Variants in PDE4B observed in about 807,000 individuals in gnomAD.
The protein encoded by PDE4B is 3',5'-cyclic-AMP phosphodiesterase 4B.
Under a neutral mutation model 82.2 loss-of-function variants are expected in PDE4B, and 20 were observed. That is an observed-to-expected ratio of 0.24 (90% CI 0.17 to 0.35). The LOEUF (loss-of-function observed/expected upper bound fraction) is 0.35, where lower values mean the gene tolerates loss of function less well. Among genes scored for constraint, PDE4B ranks in the 10% least tolerant of loss-of-function variants. PDE4B has a pLI of 1.00. For synonymous variants in PDE4B, 320 were observed against 318.9 expected (o/e 1.00, Z -0.04); for missense variants, 655 against 907.2 (o/e 0.72, Z 3.57).
chr1:65,973,959 C>T (rs1650277758), intron 3 of PDE4B, among the ~76,000 whole-genome samples: 1 of 151,984 alleles, frequency 6.6e-6, no homozygotes, highest in South Asian at 2.1e-4. Context: ...ACTGCAGGTG[C>T]ATGCCACCAT....
chr1:66,317,472 C>T (rs1659104404), intron 7 of PDE4B, among the ~76,000 whole-genome samples: 1 of 152,176 alleles, frequency 6.6e-6, no homozygotes, highest in African/African-American at 2.4e-5. Flanking sequence ...AACTGTCAGG[C>T]CCCACATTTT....
intron 3 of PDE4B, among the ~76,000 whole-genome samples, chr1:65,974,206 G>T (rs1286793510): frequency 6.6e-6 from 1 of 152,040 alleles, no homozygotes; most frequent in African/African-American, 2.4e-5. Flanking sequence ...TACATGTGGC[G>T]ATAATAAAGT....
chr1:66,080,912 A>T (rs1303355082), intron 3 of PDE4B, among the ~76,000 whole-genome samples: 1 of 152,006 alleles, frequency 6.6e-6, no homozygotes, highest in African/African-American at 2.4e-5. Flanking sequence ...CCCTCTCTCC[A>T]CAACTAGTAG....
intron 3 of PDE4B, among the ~76,000 whole-genome samples, chr1:66,033,714 G>GAA (rs5774787): frequency 1.2e-3 from 170 of 137,438 alleles, no homozygotes; most frequent in Middle Eastern, 0.011. Flanking sequence ...GCACCAAATT[G>GAA]AAAAAAAAAA....
intron 3 of PDE4B, among the ~76,000 whole-genome samples, chr1:66,092,159 TAGAAAA>T (rs913538982): frequency 1.3e-5 from 2 of 152,008 alleles, no homozygotes; most frequent in Non-Finnish European, 2.9e-5. Context: ...AATGCACACT[TAGAAAA>T]GGAGAAAAAT....
intron 7 of PDE4B, among the ~76,000 whole-genome samples, chr1:66,283,847 G>T (rs1456819744): frequency 6.6e-6 from 1 of 152,190 alleles, no homozygotes; most frequent in South Asian, 2.1e-4. Flanking sequence ...TACTTTTAAT[G>T]GGTTTTCTGT....
At chr1:65,889,538 T>A (rs1411973836) in intron 1 of PDE4B, among the ~76,000 whole-genome samples, 2 of 152,146 alleles carry the variant, frequency 1.3e-5, no homozygotes, top group Non-Finnish European at 2.9e-5. Flanking sequence ...GAAGTTGTAA[T>A]TTTTTGAAAC....
intron 3 of PDE4B, among the ~76,000 whole-genome samples, chr1:66,228,299 C>A (rs1239833718): frequency 6.6e-6 from 1 of 152,154 alleles, no homozygotes; most frequent in Non-Finnish European, 1.5e-5. Flanking sequence ...CAGTAAAGAT[C>A]CATTGGTCCT....
At chr1:66,090,089 G>A (rs1304964292) in intron 3 of PDE4B, among the ~76,000 whole-genome samples, 2 of 151,990 alleles carry the variant, frequency 1.3e-5, no homozygotes, top group African/African-American at 4.8e-5. Context: ...AACAAAAGTT[G>A]GTTGGTATCA....
chr1:65,808,169 CTTTTTTTTTTT>C (rs920861530), intron 1 of PDE4B, among the ~76,000 whole-genome samples: 1 of 128,992 alleles, frequency 7.8e-6, no homozygotes, highest in Non-Finnish European at 1.7e-5. Flanking sequence ...TAGACAAACA[CTTTTTTTTTTT>C]TTTTTTTTTG....
rs146756749 is a variant in PDE4B, at chr1:66,261,918, A to T, written c.584+4055A>T. ...AGACTGCTGGAGTAATCAGGTGCGC[A>T]AGTGAGTGTGCCCACCATTCAGCAG... On this transcript the variant is annotated intron_variant, in intron 6 of 16. Coordinates refer to ENST00000341517, the MANE Select transcript of PDE4B (RefSeq NM_002600.4). Among the ~76,000 whole-genome samples the T allele has an allele frequency of 2.7e-3, 414 of 152,338 alleles. 3 individuals are homozygous for T. Among genetic ancestry groups the T allele is most frequent in the African/African-American group, 9.5e-3 (396 of 41,600 alleles).
At chr1:66,022,261 C>T (rs112805639) in intron 3 of PDE4B, among the ~76,000 whole-genome samples, 3,207 of 152,234 alleles carry the variant, frequency 0.021, 110 homozygotes, top group African/African-American at 0.073. Context: ...CAAACAGGGA[C>T]AATTTGACTT....
chr1:66,180,392 A>G (rs190022350), intron 3 of PDE4B, among the ~76,000 whole-genome samples: 2 of 152,318 alleles, frequency 1.3e-5, no homozygotes, highest in Admixed American at 1.3e-4. Flanking sequence ...TGACATGTTA[A>G]GGAACAGAGT....
intron 7 of PDE4B, among the ~76,000 whole-genome samples, chr1:66,293,199 C>T (rs1657236697): frequency 1.3e-5 from 2 of 152,124 alleles, no homozygotes; most frequent in Admixed American, 1.3e-4. Context: ...CTAAACAAAG[C>T]AGCTTTGTTT....
At chr1:66,109,574 A>G (rs1409467345) in intron 3 of PDE4B, among the ~76,000 whole-genome samples, 7 of 151,928 alleles carry the variant, frequency 4.6e-5, no homozygotes, top group Non-Finnish European at 1.5e-5. Flanking sequence ...TGTTAATTTC[A>G]TATATGACAG....
At chr1:66,026,734 A>G (rs1015967412) in intron 3 of PDE4B, among the ~76,000 whole-genome samples, 1 of 152,216 alleles carries the variant, frequency 6.6e-6, no homozygotes, top group South Asian at 2.1e-4. Context: ...TCTCATTGCC[A>G]GACTCCACTT....
At chr1:66,170,958 C>G (rs1232127663) in intron 3 of PDE4B, among the ~76,000 whole-genome samples, 2 of 152,124 alleles carry the variant, frequency 1.3e-5, no homozygotes, top group African/African-American at 4.8e-5. Flanking sequence ...CTTTGAACTG[C>G]TCTGAATGTC....
chr1:65,958,276 A>G (rs747977928), intron 3 of PDE4B, among the ~76,000 whole-genome samples: 4 of 152,036 alleles, frequency 2.6e-5, no homozygotes, highest in Non-Finnish European at 5.9e-5. Context: ...GGTGATAAAT[A>G]TATTTTCTAA....
At chr1:66,128,767 C>T (rs1645874359) in intron 3 of PDE4B, among the ~76,000 whole-genome samples, 1 of 152,110 alleles carries the variant, frequency 6.6e-6, no homozygotes, top group African/African-American at 2.4e-5. Flanking sequence ...ACAATCATGG[C>T]AGAAGGTGAA....
Sources: gnomAD v4.1 joint callset for allele counts (sites outside exome capture counted in the v4.1 genomes callset) on GRCh38, gnomAD v4.1.1 for gene constraint, MANE v1.5 for transcripts, NCBI Gene and HGNC (gene_info 2026-07-23, HGNC 2026-07-21) for gene names.